Variants in NLRP3 observed in about 807,000 individuals in gnomAD.
NLRP3 encodes NACHT, LRR and PYD domains-containing protein 3.
A neutral mutation model predicts 91.3 loss-of-function variants in NLRP3; 48 were observed. That is an observed-to-expected ratio of 0.53 (90% CI 0.42 to 0.67). NLRP3 has a LOEUF of 0.67. Among genes scored for constraint, NLRP3 ranks in the 30% least tolerant of loss-of-function variants. The pLI is 0.00. For missense variants in NLRP3, 982 were observed against 1,276.9 expected (o/e 0.77, Z 3.52); for synonymous variants, 561 against 507.9 (o/e 1.10, Z -1.41).
intron 4 of NLRP3, among the ~76,000 whole-genome samples, chr1:247,428,897 T>C (rs1298724406): frequency 7.6e-6 from 1 of 131,422 alleles, no homozygotes; most frequent in African/African-American, 3.6e-5. Flanking sequence ...TTTCTTTTTC[T>C]TTTTTTTTTT....
chr1:247,436,215 G>T lies in NLRP3; in HGVS notation c.2663+75G>T, dbSNP rs536508084. On this transcript the variant is annotated intron_variant, in intron 7 of 9. Coordinates refer to ENST00000336119, the MANE Select transcript of NLRP3 (RefSeq NM_001243133.2). ...GAATTATTTGGAAAATGTGGATGGG[G>T]GTTACTTTGGTCAGGCAGAGCTGAA... The T allele has an allele frequency of 6.8e-6, 10 of 1,466,284 alleles. No homozygotes were observed. In the South Asian group the frequency reaches 1.2e-4, roughly 17 times the overall value. The allele number at this position is 1,466,284 out of a possible 1,614,324, so 90.8% of individuals were successfully genotyped here. A position where few individuals can be genotyped will look rare whatever the true frequency, so the allele number is the denominator to read the frequency against.
Position 247,425,641 on chromosome 1 carries a change from G to C in NLRP3, c.2150+42G>C. The C allele has an allele frequency of 6.3e-7, 1 of 1,582,604 alleles. No homozygotes were observed. The highest frequency in any genetic ancestry group is 8.6e-7 in the Non-Finnish European group (1 of 1,165,346). ...TCCAGGTGCTTCCTCCTGCTTCCTCGCCAGCTTCTTCTTGGCGCTTGCCTC... is the reference window on the plus strand; with the variant it reads ...TCCAGGTGCTTCCTCCTGCTTCCTCCCCAGCTTCTTCTTGGCGCTTGCCTC... On this transcript the variant is annotated intron_variant, in intron 4 of 9. Coordinates refer to ENST00000336119, the MANE Select transcript of NLRP3 (RefSeq NM_001243133.2). The surrounding 1 kb of genome is among the most constrained non-coding windows in gnomAD (Gnocchi z 4.1).
At chr1:247,417,783 T>A (rs1662162737) in intron 1 of NLRP3, among the ~76,000 whole-genome samples, 1 of 152,054 alleles carries the variant, frequency 6.6e-6, no homozygotes, top group Non-Finnish European at 1.5e-5. Flanking sequence ...TTTTTATTAT[T>A]CTCCATTATG....
At chr1:247,432,439 A>G (rs989582998) in intron 5 of NLRP3, among the ~76,000 whole-genome samples, 5 of 152,156 alleles carry the variant, frequency 3.3e-5, no homozygotes, top group African/African-American at 1.2e-4. Flanking sequence ...ATTCTTTTCT[A>G]TGGCTGAGCA....
At chr1:247,438,475 C>T (rs1409435903) in intron 7 of NLRP3, among the ~76,000 whole-genome samples, 2 of 148,860 alleles carry the variant, frequency 1.3e-5, no homozygotes, top group African/African-American at 2.5e-5. Context: ...CCTCTGCCTC[C>T]CGGGTTCCAA....
rs1429997005 is a variant in NLRP3, at chr1:247,418,547, C to T, written c.-254C>T. On this transcript the variant is annotated 5_prime_UTR_variant, in exon 2 of 10. Transcript: ENST00000336119. ...GAATTCCTCAGCTCAGGTGATCTGCCTGCCTTGGCCTCTCAAAGTGCTGGG... is the reference window on the plus strand; with the variant it reads ...GAATTCCTCAGCTCAGGTGATCTGCTTGCCTTGGCCTCTCAAAGTGCTGGG... The T allele has an allele frequency of 2.1e-6, 1 of 480,812 alleles. No homozygotes were observed. Among genetic ancestry groups the T allele is most frequent in the Non-Finnish European group, 3.8e-6 (1 of 263,370 alleles). 29.8% of individuals were successfully genotyped at this position (480,812 alleles called of 1,614,324 possible).
At position 247,425,234 on chromosome 1, in the gene NLRP3, T is replaced by C. The variant is rs1398981487; in HGVS notation, c.1785T>C (p.Ser595=). 2 of 1,614,054 alleles carry C rather than the reference T, an allele frequency of 1.2e-6. No homozygotes were observed. The highest frequency in any genetic ancestry group is 2.2e-5 in the East Asian group (1 of 44,890). ...CCTCCTACTTGGAGAAGAAATTAAG[T>C]TGCAAGATCTCTCAGCAAATCAGGC... is the stretch of plus-strand genomic sequence containing the variant. ...ERTSYLEKKL[S]CKISQQIRLE... Residue 595 remains serine (S), a synonymous_variant, in exon 4 of 10, where the codon AGT becomes AGC. Transcript: ENST00000336119. The surrounding 1 kb of genome is among the most constrained non-coding windows in gnomAD (Gnocchi z 4.1).
At position 247,436,131 on chromosome 1, in the gene NLRP3, A is replaced by T; in HGVS notation, c.2654A>T (p.Gln885Leu). The T allele has an allele frequency of 6.2e-7, 1 of 1,614,186 alleles. No individual in the cohort carries two copies. The part of the protein sequence containing the change: ...EKAKNPQCNL[Q>L]KLGLVNSGLT... ...GCCAAGAATCCACAGTGTAACCTGC[A>T]GAAACTGGGGTAAGTCTTCATGGGT... Residue 885 changes from glutamine to leucine, a missense_variant, in exon 7 of 10, where the codon CAG (glutamine) becomes CTG (leucine). Around this residue, in one of 5 missense-constraint regions of NLRP3, gnomAD observed 373 missense variants for 431.5 expected, o/e 0.86. Coordinates refer to ENST00000336119, the MANE Select transcript of NLRP3 (RefSeq NM_001243133.2).
chr1:247,445,767 A>C (rs1233457203), intron 9 of NLRP3, among the ~76,000 whole-genome samples: 1 of 151,994 alleles, frequency 6.6e-6, no homozygotes, highest in Non-Finnish European at 1.5e-5. Context: ...AGATCCTTCT[A>C]CTCAGTCTCC....
Position 247,443,990 on chromosome 1 carries a change from T to C in NLRP3, c.2682T>C (p.Leu894=). ...TCTACAGGTTGGTGAATTCTGGCCT[T>C]ACGTCAGTCTGTTGTTCAGCTTTGT... ...LQKLGLVNSG[L]TSVCCSALSS... Residue 894 remains leucine (L), a synonymous_variant, in exon 8 of 10, where the codon CTT becomes CTC. Transcript: ENST00000336119. 6.2e-7 allele frequency: 1 copy of C among 1,614,150 alleles called. No homozygotes were observed. Among genetic ancestry groups the C allele is most frequent in the Non-Finnish European group, 8.5e-7 (1 of 1,180,012 alleles).
intron 5 of NLRP3, among the ~76,000 whole-genome samples, chr1:247,431,405 C>G (rs976170211): frequency 1.3e-5 from 2 of 152,102 alleles, no homozygotes; most frequent in African/African-American, 2.4e-5. Context: ...CTCTCCGGCT[C>G]AACACACTCA....
chr1:247,423,413 C>G, intron 3 of NLRP3, 64 bp downstream of exon 3: 1 of 1,603,770 alleles, frequency 6.2e-7, no homozygotes, highest in Non-Finnish European at 8.5e-7. Flanking sequence ...CTCTGGGAAG[C>G]TGAGCAGCTG....
chr1:247,438,142 G>A (rs1205251812), intron 7 of NLRP3, among the ~76,000 whole-genome samples: 1 of 152,226 alleles, frequency 6.6e-6, no homozygotes, highest in East Asian at 1.9e-4. Flanking sequence ...CAAAGTCTGA[G>A]ACTGAGGCAT....
At chr1:247,436,646 A>G (rs778006215) in intron 7 of NLRP3, among the ~76,000 whole-genome samples, 9 of 152,152 alleles carry the variant, frequency 5.9e-5, no homozygotes, top group Non-Finnish European at 1.2e-4. Context: ...CTGGTTTGTT[A>G]GTGTCTGTCT....
intron 9 of NLRP3, among the ~76,000 whole-genome samples, chr1:247,447,632 A>T (rs1427601620): frequency 6.6e-6 from 1 of 150,410 alleles, no homozygotes; most frequent in Admixed American, 6.6e-5. Context: ...TGTAGAATTG[A>T]TCAGGTTAGT....
Position 247,425,088 on chromosome 1 carries a change from A to C in NLRP3, c.1639A>C (p.Ser547Arg), listed in dbSNP as rs139833874. 6.2e-7 allele frequency: 1 copy of C among 1,614,022 alleles called. No homozygotes were observed. Among genetic ancestry groups the C allele is most frequent in the Admixed American group, 1.7e-5 (1 of 59,990 alleles). ...EKEGRTNVPG[S>R]RLKLPSRDVT... ...GGAAGGAAGGACGAACGTTCCAGGG[A>C]GTCGTTTGAAGCTTCCCAGCCGAGA... Residue 547 changes from serine (S) to arginine (R), a missense_variant, in exon 4 of 10, where the codon AGT becomes CGT. Ser to Arg is a moderately radical substitution (Grantham distance 110). Around this residue, in one of 5 missense-constraint regions of NLRP3, gnomAD observed 548 missense variants for 713.7 expected, o/e 0.77. Transcript: ENST00000336119. The surrounding 1 kb of genome is among the most constrained non-coding windows in gnomAD (Gnocchi z 4.1).
At chr1:247,419,995 G>C (rs1419252610) in intron 2 of NLRP3, among the ~76,000 whole-genome samples, 4 of 152,174 alleles carry the variant, frequency 2.6e-5, no homozygotes, top group African/African-American at 9.7e-5. Context: ...CTGCTCTACT[G>C]TTTTAGATAC....
chr1:247,442,177 G>A (rs750214878), intron 7 of NLRP3, among the ~76,000 whole-genome samples: 13 of 152,190 alleles, frequency 8.5e-5, no homozygotes, highest in Non-Finnish European at 1.6e-4. Flanking sequence ...TTTTCAGTTT[G>A]ACTCTTCCTT....
At position 247,436,051 on chromosome 1, in the gene NLRP3, C is replaced by T. The variant is rs201263581; in HGVS notation, c.2574C>T (p.Leu858=). ...VLSTSHSLTR[L]YVGENALGDS... Reference sequence around the variant, plus strand: ...GCACCAGCCATTCCCTGACCAGACTCTATGTGGGGGAGAATGCCTTGGGAG... The same window carrying T: ...GCACCAGCCATTCCCTGACCAGACTTTATGTGGGGGAGAATGCCTTGGGAG... Residue 858 remains leucine (L), a synonymous_variant, in exon 7 of 10, where the codon CTC becomes CTT. Transcript: ENST00000336119. The T allele has an allele frequency of 3.2e-5, 52 of 1,614,128 alleles. No homozygotes were observed. The South Asian group carries it at 5.4e-4, about 17-fold the overall frequency.
Sources: allele counts gnomAD v4.1 joint callset (sites outside exome capture counted in the v4.1 genomes callset), GRCh38; gene constraint gnomAD v4.1.1; regional missense constraint gnomAD v4.1.1; non-coding constraint Gnocchi (gnomAD v3.1); transcripts MANE v1.5; gene names NCBI Gene and HGNC (gene_info 2026-07-23, HGNC 2026-07-21).